NELL1: variants seen among roughly 807,000 people sequenced by gnomAD.
NELL1 encodes neural EGFL like 1, also known as protein kinase C-binding protein NELL1.
Under a neutral mutation model 107.4 loss-of-function variants are expected in NELL1, and 76 were observed. The observed-to-expected ratio is 0.71, with a 90% confidence interval of 0.59 to 0.86. The LOEUF is 0.86. NELL1 is among the 40% of genes least tolerant of loss of function. The probability of loss-of-function intolerance (pLI) is 0.00; values close to 1 mark genes in which losing one functional copy is unlikely to be tolerated. For missense variants in NELL1, 1,024 were observed against 1,005.5 expected (o/e 1.02, Z -0.25); for synonymous variants, 353 against 341.2 (o/e 1.03, Z -0.38).
At chr11:20,682,239 C>G (rs1444063468) in intron 2 of NELL1, among the ~76,000 whole-genome samples, 3 of 151,766 alleles carry the variant, frequency 2.0e-5, no homozygotes, top group Non-Finnish European at 4.4e-5. Context: ...GTATTGTGCG[C>G]TGCATCTTTA....
chr11:21,341,920 T>A (rs1850577125), intron 14 of NELL1, among the ~76,000 whole-genome samples: 3 of 152,222 alleles, frequency 2.0e-5, no homozygotes, highest in Non-Finnish European at 4.4e-5. Flanking sequence ...ACATTTCCAC[T>A]GTTAGTGGTT....
At chr11:21,157,046 G>A (rs1856255209) in intron 13 of NELL1, among the ~76,000 whole-genome samples, 1 of 151,984 alleles carries the variant, frequency 6.6e-6, no homozygotes, top group Non-Finnish European at 1.5e-5. Flanking sequence ...AGGCTGCAGT[G>A]AGCTGAGATT....
chr11:21,168,370 G>A (rs1230339960), intron 13 of NELL1, among the ~76,000 whole-genome samples: 1 of 151,630 alleles, frequency 6.6e-6, no homozygotes, highest in East Asian at 1.9e-4. Context: ...ATTCAGATAT[G>A]CTGATGCTAG....
chr11:21,421,417 A>G lies in NELL1; in HGVS notation c.1645+50469A>G, dbSNP rs563068009. On this transcript the variant is annotated intron_variant, in intron 15 of 19. Transcript: ENST00000357134. ...CCCACCTCAACTCTGTGGCACATGC[A>G]TGTGTTCCTGGAGCATATTGGATGA... 2.6e-5 allele frequency among the ~76,000 whole-genome samples: 4 copies of G among 152,218 alleles called. No individual in the cohort carries two copies. In the East Asian group the frequency reaches 7.8e-4, roughly 30 times the overall value.
intron 19 of NELL1, 97 bp downstream of exon 19, chr11:21,573,506 T>C (rs1857152259): frequency 1.0e-6 from 1 of 987,056 alleles, no homozygotes; most frequent in Non-Finnish European, 1.6e-6. Flanking sequence ...ACAGGTTCAA[T>C]GGACATGGTG....
At chr11:21,221,909 T>C (rs367936417) in intron 13 of NELL1, among the ~76,000 whole-genome samples, 4 of 152,128 alleles carry the variant, frequency 2.6e-5, no homozygotes, top group East Asian at 1.9e-4. Flanking sequence ...CTCAGGCTGG[T>C]CTCTAACTCC....
chr11:21,497,130 T>C (rs2133925684), intron 15 of NELL1, among the ~76,000 whole-genome samples: 1 of 128,076 alleles, frequency 7.8e-6, no homozygotes, highest in African/African-American at 3.0e-5. Flanking sequence ...TATAATCCTT[T>C]GGGTATATAC....
intron 14 of NELL1, among the ~76,000 whole-genome samples, chr11:21,318,134 G>A (rs1849922094): frequency 6.6e-6 from 1 of 152,028 alleles, no homozygotes; most frequent in African/African-American, 2.4e-5. Flanking sequence ...AGCCTATAAG[G>A]ATATTAATTT....
At chr11:20,995,140 C>T (rs1465002621) in intron 12 of NELL1, among the ~76,000 whole-genome samples, 5 of 151,402 alleles carry the variant, frequency 3.3e-5, no homozygotes, top group African/African-American at 1.2e-4. Flanking sequence ...TTTTTTTACT[C>T]CTAATTGCTG....
At chr11:21,085,811 G>T (rs1391088630) in intron 12 of NELL1, among the ~76,000 whole-genome samples, 1 of 152,092 alleles carries the variant, frequency 6.6e-6, no homozygotes, top group Non-Finnish European at 1.5e-5. Flanking sequence ...AGAACCAGAA[G>T]AAAAAATGGA....
chr11:20,937,836 A>C lies in NELL1; in HGVS notation c.1048A>C (p.Thr350Pro), dbSNP rs1435151513. 6.2e-7 allele frequency: 1 copy of C among 1,614,086 alleles called. No individual in the cohort carries two copies. Among genetic ancestry groups the C allele is most frequent in the Admixed American group, 1.7e-5 (1 of 60,012 alleles). ...TCTTGCAGAAGGCCAGCGGATTTTA[A>C]CCAAGAGCTGTCGGGAATGCCGAGT... The part of the protein sequence containing the change: ...KVLAEGQRIL[T>P]KSCRECRGGV... Residue 350 changes from threonine (T) to proline (P), a missense_variant, in exon 10 of 20, where the codon ACC (threonine) becomes CCC (proline). Coordinates refer to ENST00000357134, the MANE Select transcript of NELL1 (RefSeq NM_006157.5).
intron 11 of NELL1, among the ~76,000 whole-genome samples, chr11:20,960,227 T>C (rs1851262183): frequency 6.6e-6 from 1 of 152,090 alleles, no homozygotes; most frequent in African/African-American, 2.4e-5. Context: ...AATTTGAGTA[T>C]GGGTGGGGGA....
intron 14 of NELL1, among the ~76,000 whole-genome samples, chr11:21,261,517 G>A (rs1291638989): frequency 6.6e-6 from 1 of 151,338 alleles, no homozygotes; most frequent in African/African-American, 2.4e-5. Context: ...TGTTCAAATT[G>A]CATATATTTA....
At chr11:20,960,231 TG>T (rs1384683389) in intron 11 of NELL1, among the ~76,000 whole-genome samples, 200 bp from the exon 12 acceptor site, 1 of 152,002 alleles carries the variant, frequency 6.6e-6, no homozygotes, top group African/African-American at 2.4e-5. Context: ...TGAGTATGGG[TG>T]GGGGAAAGCC....
rs555283788 is a variant in NELL1, at chr11:21,416,281, T to A, written c.1645+45333T>A. Among the ~76,000 whole-genome samples, 180 of 152,228 alleles carry A rather than the reference T, an allele frequency of 1.2e-3. 1 individual carries two copies. The highest frequency in any genetic ancestry group is 4.3e-3 in the African/African-American group (177 of 41,568). ...TGATATTCATAGAAGGGTGATGTGC[T>A]AAATTAAATACTACCTTGGATGGGA... On this transcript the variant is annotated intron_variant, in intron 15 of 19. Transcript: ENST00000357134.
At chr11:20,905,533 A>G (rs1471437332) in intron 5 of NELL1, among the ~76,000 whole-genome samples, 1 of 152,150 alleles carries the variant, frequency 6.6e-6, no homozygotes, top group African/African-American at 2.4e-5. Flanking sequence ...GGATAAAGAA[A>G]TAAGTCACGA....
intron 14 of NELL1, among the ~76,000 whole-genome samples, chr11:21,368,438 G>A (rs1851282445): frequency 6.8e-6 from 1 of 146,080 alleles, no homozygotes. Context: ...ACCTGCCTTT[G>A]TGAACACCGG....
rs141836902 is a variant in NELL1 at position 21,247,231 on chromosome 11, G to A, written c.1549+17777G>A. Among the ~76,000 whole-genome samples the A allele has an allele frequency of 3.2e-3, 491 of 152,092 alleles. 2 individuals carry two copies. The highest frequency in any genetic ancestry group is 0.027 in the Middle Eastern group (8 of 292). On this transcript the variant is annotated intron_variant, in intron 14 of 19. Coordinates refer to ENST00000357134, the MANE Select transcript of NELL1 (RefSeq NM_006157.5). ...TATATACACTGTACACTTTGGCAAC[G>A]CTACATTTATTAAAATATTTTTCTT...
intron 12 of NELL1, among the ~76,000 whole-genome samples, chr11:21,097,023 A>G (rs1430817215): frequency 6.6e-6 from 1 of 151,904 alleles, no homozygotes; most frequent in Non-Finnish European, 1.5e-5. Context: ...GGCCTTCCTA[A>G]TGCTCTTGAC....
Sources: allele counts gnomAD v4.1 joint callset (sites outside exome capture counted in the v4.1 genomes callset), GRCh38; gene constraint gnomAD v4.1.1; transcripts MANE v1.5; gene names NCBI Gene and HGNC (gene_info 2026-07-23, HGNC 2026-07-21).